MYRIP: variants seen among roughly 807,000 people sequenced by gnomAD.
The protein encoded by MYRIP is rab effector MyRIP.
A neutral mutation model predicts 98.0 loss-of-function variants in MYRIP; 49 were observed. The ratio of observed to expected loss-of-function variants is 0.50; its 90% CI spans 0.40 to 0.63. The LOEUF is 0.63. MYRIP is among the 30% of genes least tolerant of loss of function. The pLI is 0.00. For synonymous variants in MYRIP, 404 were observed against 409.5 expected (o/e 0.99, Z 0.16); for missense variants, 1,004 against 1,058.2 (o/e 0.95, Z 0.71).
chr3:39,883,598 C>A (rs1184747982), intron 1 of MYRIP, among the ~76,000 whole-genome samples: 5 of 151,628 alleles, frequency 3.3e-5, no homozygotes, highest in African/African-American at 1.2e-4. Context: ...GAAAATGTAT[C>A]ATATAATAAA....
At chr3:39,880,023 C>T (rs2125643352) in intron 1 of MYRIP, among the ~76,000 whole-genome samples, 1 of 152,132 alleles carries the variant, frequency 6.6e-6, no homozygotes, top group South Asian at 2.1e-4. Context: ...TTACCCAGTG[C>T]ATATGGTTCC....
At chr3:40,084,919 C>G (rs1438952606) in intron 3 of MYRIP, among the ~76,000 whole-genome samples, 1 of 136,232 alleles carries the variant, frequency 7.3e-6, no homozygotes, top group African/African-American at 2.7e-5. Context: ...TGTTACATGT[C>G]GATAGATAAT....
Position 40,259,215 on chromosome 3 carries a change from C to T in MYRIP, c.*1049C>T, listed in dbSNP as rs1575692054. ...CATTTAATGGACACAAGAATTGACT[C>T]TAACTCCATGTCTGTGGTTTCTTTG... On this transcript the variant is annotated 3_prime_UTR_variant, in exon 17 of 17. Coordinates refer to ENST00000302541, the MANE Select transcript of MYRIP (RefSeq NM_015460.4). The T allele has an allele frequency of 6.6e-6, 1 of 152,316 alleles. No individual in the cohort carries two copies. The highest frequency in any genetic ancestry group is 1.9e-4 in the East Asian group (1 of 5,192). The allele number at this position is 152,316 out of a possible 1,614,324, so 9.4% of individuals were successfully genotyped here.
At position 39,936,546 on chromosome 3, in the gene MYRIP, A is replaced by T. The variant is rs574725477; in HGVS notation, c.110+35620A>T. Among the ~76,000 whole-genome samples, 3 of 152,292 alleles carry T rather than the reference A, an allele frequency of 2.0e-5. No homozygotes were observed. The South Asian group carries it at 6.2e-4, about 32-fold the overall frequency. ...GTGGACTTCCAGTTCTGGAATAATGATGCCTCTCTGAGAACATTCGCCTTG... is the reference window on the plus strand; with the variant it reads ...GTGGACTTCCAGTTCTGGAATAATGTTGCCTCTCTGAGAACATTCGCCTTG... On this transcript the variant is annotated intron_variant, in intron 2 of 16. Coordinates refer to ENST00000302541, the MANE Select transcript of MYRIP (RefSeq NM_015460.4).
chr3:39,952,736 C>CT (rs1945056584), intron 2 of MYRIP, among the ~76,000 whole-genome samples: 1 of 152,162 alleles, frequency 6.6e-6, no homozygotes. Context: ...TTTTCCCCCT[C>CT]TTTATTTATC....
At chr3:39,829,127 A>G (rs1279299719) in intron 1 of MYRIP, among the ~76,000 whole-genome samples, 1 of 152,200 alleles carries the variant, frequency 6.6e-6, no homozygotes. Context: ...CGCCACATCC[A>G]TGTCAACATC....
At chr3:40,066,638 T>TA (rs1330476734) in intron 3 of MYRIP, among the ~76,000 whole-genome samples, 1 of 152,106 alleles carries the variant, frequency 6.6e-6, no homozygotes, top group Non-Finnish European at 1.5e-5. Flanking sequence ...AATTTTTTTT[T>TA]ATTAATGAAT....
intron 3 of MYRIP, among the ~76,000 whole-genome samples, chr3:40,083,304 C>T (rs1006937544): frequency 2.0e-5 from 3 of 152,136 alleles, no homozygotes; most frequent in Non-Finnish European, 4.4e-5. Flanking sequence ...ATTATAGTTC[C>T]TCTTGAAGGA....
At chr3:40,174,753 G>T (rs1236178067) in intron 8 of MYRIP, 2 of 152,204 alleles carry the variant, frequency 1.3e-5, no homozygotes, top group Non-Finnish European at 2.9e-5. Context: ...ACTAATTAAG[G>T]TCCTAGCAAA....
chr3:40,217,963 A>T (rs1439214475), intron 11 of MYRIP, among the ~76,000 whole-genome samples: 2 of 152,168 alleles, frequency 1.3e-5, no homozygotes, highest in Non-Finnish European at 2.9e-5. Flanking sequence ...ATTATTAGAA[A>T]TAAGTTTGGT....
At position 40,182,249 on chromosome 3, in the gene MYRIP, A is replaced by T; in HGVS notation, c.903A>T (p.Gly301=). 2.5e-6 allele frequency: 4 copies of T among 1,613,156 alleles called. No homozygotes were observed. Among genetic ancestry groups the T allele is most frequent in the Non-Finnish European group, 3.4e-6 (4 of 1,179,624 alleles). Residue 301 remains glycine, a synonymous_variant, in exon 9 of 17, where the codon GGA becomes GGT. Coordinates refer to ENST00000302541, the MANE Select transcript of MYRIP (RefSeq NM_015460.4). ...WRSQSAFSIT[G]EEALKTPPVE... ...CCCAGTCTGCCTTCTCAATCACTGG[A>T]GAAGAAGCCCTGAAGACCCCTCCAG...
intron 1 of MYRIP, among the ~76,000 whole-genome samples, chr3:39,885,088 A>G (rs1269340581): frequency 6.6e-6 from 1 of 151,902 alleles, no homozygotes; most frequent in Non-Finnish European, 1.5e-5. Flanking sequence ...TTCAAAGCCA[A>G]TAGGTTAAAT....
intron 3 of MYRIP, among the ~76,000 whole-genome samples, chr3:40,086,522 T>TTGC (rs1193354824): frequency 6.6e-6 from 1 of 152,206 alleles, no homozygotes; most frequent in Non-Finnish European, 1.5e-5. Flanking sequence ...AGGGCAGACC[T>TTGC]TGCTGCTCTT....
At chr3:40,069,061 A>G (rs1003126046) in intron 3 of MYRIP, among the ~76,000 whole-genome samples, 4 of 152,202 alleles carry the variant, frequency 2.6e-5, no homozygotes, top group Non-Finnish European at 5.9e-5. Flanking sequence ...AATAAGTAGT[A>G]GTATGGTCCT....
At chr3:39,879,064 C>CAA in intron 1 of MYRIP, among the ~76,000 whole-genome samples, 1 of 150,480 alleles carries the variant, frequency 6.6e-6, no homozygotes, top group Middle Eastern at 3.5e-3. Context: ...GACTCTGTCT[C>CAA]AAAAAAATAA....
intron 2 of MYRIP, among the ~76,000 whole-genome samples, chr3:40,018,447 C>G (rs1353457149): frequency 6.6e-6 from 1 of 152,194 alleles, no homozygotes; most frequent in African/African-American, 2.4e-5. Context: ...TTTGCTACCC[C>G]AGTCTTCATT....
chr3:39,911,067 G>A lies in MYRIP; in HGVS notation c.110+10141G>A, dbSNP rs182324468. ...GTCCATGCCATATTCATGACAAAGA[G>A]TTTATGCATCTCAGGACAGAATGAA... On this transcript the variant is annotated intron_variant, in intron 2 of 16. Coordinates refer to ENST00000302541, the MANE Select transcript of MYRIP (RefSeq NM_015460.4). 2.0e-5 allele frequency among the ~76,000 whole-genome samples: 3 copies of A among 152,318 alleles called. No individual in the cohort carries two copies. In the East Asian group the frequency reaches 5.8e-4, roughly 29 times the overall value.
intron 2 of MYRIP, among the ~76,000 whole-genome samples, chr3:40,028,416 C>T (rs761550056): frequency 5.3e-5 from 8 of 152,144 alleles, no homozygotes; most frequent in East Asian, 1.9e-4. Context: ...ATTGCCCAGA[C>T]GCTATTGCAG....
chr3:40,219,601 T>G (rs1406224448), intron 11 of MYRIP, among the ~76,000 whole-genome samples: 1 of 152,166 alleles, frequency 6.6e-6, no homozygotes, highest in South Asian at 2.1e-4. Context: ...TTTTTGTCCT[T>G]GCGATAGTTT....
Sources: allele counts gnomAD v4.1 joint callset (sites outside exome capture counted in the v4.1 genomes callset), GRCh38; gene constraint gnomAD v4.1.1; transcripts MANE v1.5; gene names NCBI Gene and HGNC (gene_info 2026-07-23, HGNC 2026-07-21).